SH3D19: variants seen among roughly 807,000 people sequenced by gnomAD.
The protein encoded by SH3D19 is SH3 domain containing 19, also known as SH3 domain-containing protein 19.
In SH3D19, 58 loss-of-function variants were observed where a neutral mutation model predicts 112.1. The ratio of observed to expected loss-of-function variants is 0.52; its 90% confidence interval spans 0.42 to 0.64. The LOEUF (loss-of-function observed/expected upper bound fraction) is 0.64, where lower values mean the gene tolerates loss of function less well. Among genes scored for constraint, SH3D19 ranks in the 30% least tolerant of loss-of-function variants. The pLI, the probability that SH3D19 is intolerant of heterozygous loss-of-function variation, is 0.00. For synonymous variants in SH3D19, 391 were observed against 448.5 expected (o/e 0.87, Z 1.62); for missense variants, 1,090 against 1,263.4 (o/e 0.86, Z 2.08).
intron 1 of SH3D19, among the ~76,000 whole-genome samples, chr4:151,310,865 G>A (rs1315292268): frequency 6.6e-6 from 1 of 151,542 alleles, no homozygotes; most frequent in African/African-American, 2.4e-5. Flanking sequence ...GATTCACCAT[G>A]CCTGGCCAAT....
chr4:151,205,921 T>C (rs751361942), intron 2 of SH3D19, among the ~76,000 whole-genome samples: 14 of 152,234 alleles, frequency 9.2e-5, no homozygotes, highest in Non-Finnish European at 1.6e-4. Context: ...ACTTGGACAG[T>C]CTGACTCTAG....
chr4:151,172,090 G>A (rs1031326218), intron 7 of SH3D19, among the ~76,000 whole-genome samples: 6 of 152,084 alleles, frequency 3.9e-5, no homozygotes, highest in Non-Finnish European at 5.9e-5. Context: ...TAAGAGAAAC[G>A]GAAGGGAAGA....
chr4:151,201,882 G>T (rs1764439198), intron 2 of SH3D19, among the ~76,000 whole-genome samples: 1 of 151,626 alleles, frequency 6.6e-6, no homozygotes, highest in Non-Finnish European at 1.5e-5. Flanking sequence ...CATGGTGGCG[G>T]CTACCTGTAA....
At chr4:151,296,840 T>C (rs1775748113) in intron 1 of SH3D19, among the ~76,000 whole-genome samples, 2 of 152,230 alleles carry the variant, frequency 1.3e-5, no homozygotes, top group African/African-American at 2.4e-5. Flanking sequence ...TCCAGATCTT[T>C]TTCAATAGAC....
At chr4:151,165,858 T>A (rs1454927381) in intron 7 of SH3D19, 162 bp from the exon 8 acceptor site, 2 of 589,440 alleles carry the variant, frequency 3.4e-6, no homozygotes, top group Admixed American at 3.0e-5. Flanking sequence ...TTGGAGCTCA[T>A]AAAAGGAAAT....
chr4:151,263,235 G>A (rs1289643819), intron 1 of SH3D19, among the ~76,000 whole-genome samples: 3 of 152,198 alleles, frequency 2.0e-5, no homozygotes, highest in Non-Finnish European at 4.4e-5. Flanking sequence ...GGGAAGTGCA[G>A]AAGCAGAGAA....
intron 7 of SH3D19, 62 bp downstream of exon 7, chr4:151,174,608 G>C (rs1759617748): frequency 4.2e-6 from 6 of 1,438,788 alleles, no homozygotes; most frequent in Middle Eastern, 2.1e-4. Context: ...AAAACAGCAA[G>C]TGCCATTTAA....
Position 151,313,358 on chromosome 4 carries a change from CA to C in SH3D19, c.112+11882del, listed in dbSNP as rs1476207638. On this transcript the variant is annotated intron_variant, in intron 1 of 19. Coordinates refer to ENST00000604030, the MANE Select transcript of SH3D19 (RefSeq NM_001378122.1). Reference sequence around the variant, plus strand: ...TATAAAGGAATGTCACATTATTAAGCATCTAATTAAGAGTAATATTCAAATA... The same window carrying C: ...TATAAAGGAATGTCACATTATTAAGCTCTAATTAAGAGTAATATTCAAATA... 2.0e-5 allele frequency among the ~76,000 whole-genome samples: 3 copies of C among 152,044 alleles called. No homozygotes were observed. The East Asian group carries it at 5.8e-4, about 29-fold the overall frequency.
intron 1 of SH3D19, among the ~76,000 whole-genome samples, chr4:151,233,901 G>C (rs1769807193): frequency 6.6e-6 from 1 of 152,162 alleles, no homozygotes; most frequent in Non-Finnish European, 1.5e-5. Flanking sequence ...GTTAGACTCT[G>C]CTTCACAGTC....
At chr4:151,256,694 G>GTTTTTTTTT (rs70941490) in intron 1 of SH3D19, among the ~76,000 whole-genome samples, 8 of 134,288 alleles carry the variant, frequency 6.0e-5, no homozygotes, top group Non-Finnish European at 6.2e-5. Flanking sequence ...TTGTTTTGTT[G>GTTTTTTTTT]TTTTTTTTTT....
intron 2 of SH3D19, among the ~76,000 whole-genome samples, chr4:151,192,211 A>T (rs1162004389): frequency 6.6e-6 from 1 of 152,192 alleles, no homozygotes; most frequent in Non-Finnish European, 1.5e-5. Flanking sequence ...TGCTGGGATT[A>T]CAGGCGTGAG....
In SH3D19 at chr4:151,180,676, C is replaced by G. The variant is rs531115568; in HGVS notation, c.194-1279G>C. On this transcript the variant is annotated intron_variant, in intron 3 of 19. Coordinates refer to ENST00000604030, the MANE Select transcript of SH3D19 (RefSeq NM_001378122.1). Reference sequence around the variant, plus strand: ...CCGCCTTGGCCTCCCAAAGTGCTGGCTTTACAGGTGTGAGCCACTGCGCCC... The same window carrying G: ...CCGCCTTGGCCTCCCAAAGTGCTGGGTTTACAGGTGTGAGCCACTGCGCCC... 3.4e-4 allele frequency among the ~76,000 whole-genome samples: 51 copies of G among 149,046 alleles called. No homozygotes were observed. In the East Asian group the frequency reaches 6.8e-3, roughly 20 times the overall value.
chr4:151,245,821 G>A (rs1030165387), intron 1 of SH3D19, among the ~76,000 whole-genome samples: 8 of 152,028 alleles, frequency 5.3e-5, no homozygotes, highest in South Asian at 2.1e-4. Flanking sequence ...AGGCTGTCTC[G>A]AACTCCTTGA....
At chr4:151,247,531 A>G (rs775518925) in intron 1 of SH3D19, among the ~76,000 whole-genome samples, 1 of 152,196 alleles carries the variant, frequency 6.6e-6, no homozygotes, top group Non-Finnish European at 1.5e-5. Context: ...ATTCCATAAA[A>G]TTTACCTGCT....
chr4:151,276,330 A>AC (rs1200189269), intron 1 of SH3D19, among the ~76,000 whole-genome samples: 1 of 151,874 alleles, frequency 6.6e-6, no homozygotes, highest in African/African-American at 2.4e-5. Flanking sequence ...TACCATCCAG[A>AC]CCCCCCTTTA....
chr4:151,222,061 G>A (rs566555622), intron 2 of SH3D19, among the ~76,000 whole-genome samples: 72 of 152,160 alleles, frequency 4.7e-4, no homozygotes, highest in Non-Finnish European at 8.7e-4. Flanking sequence ...TATTTCCAGC[G>A]CTAGCTTATT....
At chr4:151,186,938 G>A (rs756438220) in intron 3 of SH3D19, among the ~76,000 whole-genome samples, 3 of 151,830 alleles carry the variant, frequency 2.0e-5, no homozygotes, top group Non-Finnish European at 4.4e-5. Flanking sequence ...GGGACTACAG[G>A]TGCCTGCCAC....
At chr4:151,196,206 C>G (rs936499899) in intron 2 of SH3D19, among the ~76,000 whole-genome samples, 2 of 152,114 alleles carry the variant, frequency 1.3e-5, no homozygotes, top group African/African-American at 4.8e-5. Flanking sequence ...TATTTAGAGT[C>G]TATACATATA....
chr4:151,270,100 A>G (rs1398573620), intron 1 of SH3D19, among the ~76,000 whole-genome samples: 1 of 152,134 alleles, frequency 6.6e-6, no homozygotes, highest in Admixed American at 6.5e-5. Context: ...CTGTAAAATA[A>G]TGATTAAAAG....
Sources: gnomAD v4.1 joint callset for allele counts (sites outside exome capture counted in the v4.1 genomes callset) on GRCh38, gnomAD v4.1.1 for gene constraint, MANE v1.5 for transcripts, NCBI Gene and HGNC (gene_info 2026-07-23, HGNC 2026-07-21) for gene names.